The following ARMH3 variants were observed in gnomAD, a reference collection of about 807,000 sequenced individuals.
ARMH3 encodes the protein armadillo like helical domain containing 3.
A neutral mutation model predicts 99.1 loss-of-function variants in ARMH3; 60 were observed. The observed-to-expected ratio is 0.61, with a 90% confidence interval of 0.49 to 0.75. The LOEUF (loss-of-function observed/expected upper bound fraction) is 0.75, where lower values mean the gene tolerates loss of function less well. Among genes scored for constraint, ARMH3 ranks in the 30% least tolerant of loss-of-function variants. ARMH3 has a pLI of 0.00. For missense variants in ARMH3, 679 were observed against 843.1 expected, an observed-to-expected ratio of 0.81 and a Z score of 2.41; for synonymous variants, 285 against 292.8, an observed-to-expected ratio of 0.97 and a Z score of 0.27.
At chr10:102,020,621 G>A (rs1309682282) in intron 8 of ARMH3, among the ~76,000 whole-genome samples, 1 of 150,010 alleles carries the variant, frequency 6.7e-6, no homozygotes, top group African/African-American at 2.5e-5. Context: ...AGGAGGCGGA[G>A]CTTGCAGTGA....
chr10:101,881,159 C>T (rs2067406690), intron 24 of ARMH3, among the ~76,000 whole-genome samples: 1 of 152,188 alleles, frequency 6.6e-6, no homozygotes, highest in Non-Finnish European at 1.5e-5. Context: ...ATACAGGTCT[C>T]CTCTGAATCC....
intron 5 of ARMH3, chr10:102,029,334 G>T: frequency 1.0e-6 from 1 of 1,004,530 alleles, no homozygotes. Context: ...CTTGTATGTT[G>T]TTATATTTTA....
Position 102,006,552 on chromosome 10 carries a change from G to T in ARMH3, c.1036C>A (p.Pro346Thr), listed in dbSNP as rs1317146495. The T allele has an allele frequency of 4.3e-6, 7 of 1,613,694 alleles. No homozygotes were observed. The Admixed American group carries it at 1.2e-4, about 27-fold the overall frequency. The change falls in exon 14 of 26, where the codon CCT (proline) becomes ACT (threonine). Residue 346 changes from proline (P) to threonine (T), a missense_variant. Pro to Thr is a conservative substitution (Grantham distance 38). This residue lies in a region of ARMH3 where 389 missense variants were observed against 456.5 expected (regional missense o/e 0.85). Coordinates refer to ENST00000370033, the MANE Select transcript of ARMH3 (RefSeq NM_024541.3). ...GTGGTGGGCTCACCATCAGAGGAAGGCGGTGTGGTCCCAAGTGGTGTGACT... is the reference window on the plus strand; with the variant it reads ...GTGGTGGGCTCACCATCAGAGGAAGTCGGTGTGGTCCCAAGTGGTGTGACT... ...TPVTPLGTTP[P>T]SSDVISSVEL...
chr10:102,020,389 G>A (rs61873635), intron 8 of ARMH3, among the ~76,000 whole-genome samples: 27 of 151,330 alleles, frequency 1.8e-4, no homozygotes, highest in African/African-American at 5.6e-4. Flanking sequence ...AAAATTAGCC[G>A]AGCACGGCCG....
chr10:102,049,570 T>C (rs1360053876), intron 1 of ARMH3, among the ~76,000 whole-genome samples: 2 of 146,878 alleles, frequency 1.4e-5, no homozygotes, highest in Non-Finnish European at 3.0e-5. Flanking sequence ...GAAAATAGAG[T>C]AGGGCCTGCA....
intron 2 of ARMH3, 35 bp from the exon 3 acceptor site, chr10:102,033,374 A>G: frequency 6.3e-7 from 1 of 1,595,336 alleles, no homozygotes; most frequent in Non-Finnish European, 8.6e-7. Flanking sequence ...CAGCCTTCCC[A>G]GCTAACACCA....
intron 8 of ARMH3, among the ~76,000 whole-genome samples, chr10:102,015,565 T>C (rs1398701254): frequency 6.6e-6 from 1 of 152,086 alleles, no homozygotes; most frequent in East Asian, 1.9e-4. Flanking sequence ...TAATTTTGTA[T>C]TTTTAGTAGA....
intron 24 of ARMH3, among the ~76,000 whole-genome samples, chr10:101,882,744 G>C (rs375641144): frequency 6.6e-6 from 1 of 152,084 alleles, no homozygotes; most frequent in East Asian, 1.9e-4. Context: ...TGATCTGCCC[G>C]CCTTGCCCGC....
chr10:101,961,556 A>C (rs1368062164), intron 20 of ARMH3, among the ~76,000 whole-genome samples: 2 of 152,178 alleles, frequency 1.3e-5, no homozygotes, highest in African/African-American at 4.8e-5. Flanking sequence ...TATGCCAAAA[A>C]AGACAGGTTT....
At chr10:101,919,011 G>C (rs1274224375) in intron 23 of ARMH3, among the ~76,000 whole-genome samples, 1 of 152,186 alleles carries the variant, frequency 6.6e-6, no homozygotes, top group African/African-American at 2.4e-5. Flanking sequence ...CAAATCTATA[G>C]ATAATTAAAT....
intron 24 of ARMH3, among the ~76,000 whole-genome samples, chr10:101,859,754 A>G (rs2066819200): frequency 6.6e-6 from 1 of 152,202 alleles, no homozygotes; most frequent in African/African-American, 2.4e-5. Context: ...CATTTTTAGC[A>G]CTTGTTTGCA....
chr10:101,934,265 A>C (rs1389540778), intron 23 of ARMH3, among the ~76,000 whole-genome samples: 1 of 152,172 alleles, frequency 6.6e-6, no homozygotes, highest in Non-Finnish European at 1.5e-5. Flanking sequence ...CCCATGTATG[A>C]GGGGAAGAGT....
At chr10:102,047,450 A>T (rs1048255831) in intron 1 of ARMH3, among the ~76,000 whole-genome samples, 1 of 151,772 alleles carries the variant, frequency 6.6e-6, no homozygotes, top group Non-Finnish European at 1.5e-5. Context: ...TAAATATGTA[A>T]ATTCTTAAGC....
At chr10:101,917,422 G>A (rs1843131477) in intron 23 of ARMH3, among the ~76,000 whole-genome samples, 1 of 152,208 alleles carries the variant, frequency 6.6e-6, no homozygotes, top group Admixed American at 6.5e-5. Flanking sequence ...GTTGTTGCAT[G>A]TATCAGTAGT....
At chr10:102,018,977 T>C (rs1365934989) in intron 8 of ARMH3, among the ~76,000 whole-genome samples, 2 of 151,572 alleles carry the variant, frequency 1.3e-5, no homozygotes, top group African/African-American at 4.8e-5. Context: ...GTATAACACA[T>C]ACAATCATGT....
At chr10:101,849,953 C>G (rs2066550876) in intron 24 of ARMH3, 61 bp from the exon 25 acceptor site, 14 of 1,456,942 alleles carry the variant, frequency 9.6e-6, no homozygotes, top group African/African-American at 1.4e-5. Context: ...CCCTGAGCCC[C>G]ATTCTGCTGA....
At chr10:101,862,731 A>G (rs1280623157) in intron 24 of ARMH3, among the ~76,000 whole-genome samples, 1 of 152,186 alleles carries the variant, frequency 6.6e-6, no homozygotes, top group African/African-American at 2.4e-5. Flanking sequence ...TCAGTAAAAT[A>G]AAAAGAGGGC....
At chr10:101,961,013 A>G (rs1845276274) in intron 20 of ARMH3, among the ~76,000 whole-genome samples, 1 of 152,104 alleles carries the variant, frequency 6.6e-6, no homozygotes, top group South Asian at 2.1e-4. Flanking sequence ...TGTTATCAGC[A>G]CTTCTCTAGA....
In ARMH3 at chr10:102,025,239, C is replaced by G; in HGVS notation, c.424G>C (p.Glu142Gln). The change falls in exon 6 of 26, where the codon GAG becomes CAG. Residue 142 changes from glutamate (E) to glutamine (Q), a missense_variant. Around this residue, in one of 3 missense-constraint regions of ARMH3, gnomAD observed 280 missense variants for 354.6 expected, o/e 0.79. Coordinates refer to ENST00000370033, the MANE Select transcript of ARMH3 (RefSeq NM_024541.3). The part of the protein sequence containing the change: ...KAELCMKNLM[E>Q]SLDSLLCAEG... ...GCACAAAGCAATGAATCCAAACTCT[C>G]CATCAAGTTCTGAGAAAGAGAACCA... is the stretch of plus-strand genomic sequence containing the variant. The G allele has an allele frequency of 6.2e-7, 1 of 1,613,574 alleles. No homozygotes were observed. The highest frequency in any genetic ancestry group is 8.5e-7 in the Non-Finnish European group (1 of 1,179,748).
Sources: allele counts gnomAD v4.1 joint callset (sites outside exome capture counted in the v4.1 genomes callset), GRCh38; gene constraint gnomAD v4.1.1; regional missense constraint gnomAD v4.1.1; transcripts MANE v1.5; gene names NCBI Gene and HGNC (gene_info 2026-07-23, HGNC 2026-07-21).